Variants in ABI3BP observed in about 807,000 individuals in gnomAD.
The protein encoded by ABI3BP is ABI family member 3 binding protein.
ABI3BP carries 216 observed loss-of-function variants against 268.6 expected under a neutral mutation model. The observed-to-expected ratio is 0.80, with a 90% CI of 0.72 to 0.90. The LOEUF (loss-of-function observed/expected upper bound fraction) is 0.90, where lower values mean the gene tolerates loss of function less well. ABI3BP is among the 40% of genes least tolerant of loss of function. The pLI, the probability that ABI3BP is intolerant of heterozygous loss-of-function variation, is 0.00. For synonymous variants in ABI3BP, 730 were observed against 730.0 expected, an observed-to-expected ratio of 1.00 and a Z score of 0.00; for missense variants, 2,090 against 2,182.4, an observed-to-expected ratio of 0.96 and a Z score of 0.84.
rs1042394952 is a variant in ABI3BP at position 100,853,037 on chromosome 3, G to T, written c.1286-1097C>A. Among the ~76,000 whole-genome samples, 4 of 152,126 alleles carry T rather than the reference G, an allele frequency of 2.6e-5. 1 individual carries two copies. The South Asian group carries it at 8.3e-4, about 32-fold the overall frequency. ...GCTCACAGGAAGACGTAGTCATTGG[G>T]GTTACTTGTAATTCAATGACAGTTT... On this transcript the variant is annotated intron_variant, in intron 14 of 67. Coordinates refer to ENST00000471714, the MANE Select transcript of ABI3BP (RefSeq NM_001375547.2).
chr3:100,826,162 A>G (rs934333369), intron 34 of ABI3BP, among the ~76,000 whole-genome samples: 1 of 152,238 alleles, frequency 6.6e-6, no homozygotes. Context: ...AGGAAAGGCC[A>G]TGTGAGGATA....
intron 62 of ABI3BP, among the ~76,000 whole-genome samples, chr3:100,769,235 G>A (rs904791812): frequency 3.3e-5 from 5 of 152,122 alleles, no homozygotes; most frequent in African/African-American, 1.2e-4. Context: ...GGTTAAATAC[G>A]AACTTAATTC....
chr3:100,827,252 A>G (rs950925722), intron 34 of ABI3BP, among the ~76,000 whole-genome samples: 17 of 152,188 alleles, frequency 1.1e-4, no homozygotes, highest in Non-Finnish European at 2.2e-4. Context: ...CACACTGCGA[A>G]GTAAAACATG....
chr3:100,764,045 C>T (rs2096128654), intron 63 of ABI3BP, among the ~76,000 whole-genome samples: 2 of 152,284 alleles, frequency 1.3e-5, no homozygotes, highest in East Asian at 3.9e-4. Context: ...TGCCTCCCAT[C>T]CACTTACCGT....
At chr3:100,957,037 T>C (rs774029936) in intron 1 of ABI3BP, among the ~76,000 whole-genome samples, 8 of 152,200 alleles carry the variant, frequency 5.3e-5, no homozygotes, top group Non-Finnish European at 1.2e-4. Flanking sequence ...AGAGAAATGA[T>C]TAAAATCTGA....
At chr3:100,879,180 A>C (rs1340465011) in intron 6 of ABI3BP, among the ~76,000 whole-genome samples, 1 of 151,768 alleles carries the variant, frequency 6.6e-6, no homozygotes, top group Non-Finnish European at 1.5e-5. Context: ...CTTGCCCCTC[A>C]CCCCCTGGTA....
At chr3:100,879,945 T>A (rs753623952) in intron 6 of ABI3BP, among the ~76,000 whole-genome samples, 5 of 152,184 alleles carry the variant, frequency 3.3e-5, no homozygotes, top group African/African-American at 7.2e-5. Flanking sequence ...CTCTCCTATG[T>A]CTTATCAAAT....
intron 59 of ABI3BP, among the ~76,000 whole-genome samples, chr3:100,776,788 T>C (rs781053613): frequency 2.6e-5 from 4 of 152,280 alleles, no homozygotes; most frequent in Admixed American, 6.5e-5. Context: ...GGGTGGGCTG[T>C]ACCAAAGCTA....
At chr3:100,985,215 T>C (rs2153973206) in intron 1 of ABI3BP, among the ~76,000 whole-genome samples, 1 of 145,358 alleles carries the variant, frequency 6.9e-6, no homozygotes, top group East Asian at 2.1e-4. Flanking sequence ...AGTGCTGCGA[T>C]CTCAGCTCAC....
chr3:100,947,161 G>GA (rs1242350606), intron 1 of ABI3BP, among the ~76,000 whole-genome samples: 2 of 151,940 alleles, frequency 1.3e-5, no homozygotes, highest in Non-Finnish European at 2.9e-5. Flanking sequence ...TTGAAATTTT[G>GA]AACTATGCAC....
intron 1 of ABI3BP, among the ~76,000 whole-genome samples, chr3:100,991,894 C>T (rs2092992378): frequency 6.6e-6 from 1 of 152,024 alleles, no homozygotes; most frequent in Non-Finnish European, 1.5e-5. Context: ...AACAAAGTTG[C>T]ACCTATATCA....
At chr3:100,899,526 G>A (rs919503730) in intron 3 of ABI3BP, among the ~76,000 whole-genome samples, 6 of 152,190 alleles carry the variant, frequency 3.9e-5, no homozygotes, top group Admixed American at 3.9e-4. Flanking sequence ...AAGCACAGTT[G>A]TTCTGATGGT....
At position 100,752,862 on chromosome 3, in the gene ABI3BP, A is replaced by G; in HGVS notation, c.5047T>C (p.Trp1683Arg). The change falls in exon 66 of 68, where the codon TGG (tryptophan) becomes CGG (arginine). Residue 1683 changes from tryptophan to arginine, a missense_variant. Trp to Arg is a moderately radical substitution (Grantham distance 101). Transcript: ENST00000471714. ...TGCACTCCTACAAATTTTTTATACC[A>G]TGTCCTTTTGACATATTGTTTGCCC... ...CKGKQYVKRTWYKKFVGVQLC... is the reference protein window; with the variant it reads ...CKGKQYVKRTRYKKFVGVQLC... The G allele has an allele frequency of 6.2e-7, 1 of 1,613,520 alleles. No homozygotes were observed. The highest frequency in any genetic ancestry group is 8.5e-7 in the Non-Finnish European group (1 of 1,179,708).
intron 20 of ABI3BP, among the ~76,000 whole-genome samples, chr3:100,842,595 CTT>C (rs2098719494): frequency 6.6e-6 from 1 of 152,046 alleles, no homozygotes; most frequent in South Asian, 2.1e-4. Flanking sequence ...ACATATGAAA[CTT>C]AACCCATTTG....
chr3:100,899,354 A>C (rs2049124139), intron 3 of ABI3BP, among the ~76,000 whole-genome samples: 1 of 152,244 alleles, frequency 6.6e-6, no homozygotes, highest in Admixed American at 6.5e-5. Context: ...ACAAGAAAAT[A>C]AACCTTATTA....
At chr3:100,751,987 TC>T (rs1012298865) in intron 66 of ABI3BP, among the ~76,000 whole-genome samples, 1 of 152,220 alleles carries the variant, frequency 6.6e-6, no homozygotes, top group African/African-American at 2.4e-5. Flanking sequence ...TGCCTGCCCC[TC>T]CACTTACTAA....
chr3:100,937,729 A>G (rs760806777), intron 1 of ABI3BP, among the ~76,000 whole-genome samples: 10 of 152,076 alleles, frequency 6.6e-5, no homozygotes, highest in Non-Finnish European at 1.5e-4. Flanking sequence ...TGCTCTAAGA[A>G]CGGACAATGC....
chr3:100,965,009 T>G (rs2080743611), intron 1 of ABI3BP, among the ~76,000 whole-genome samples: 1 of 151,410 alleles, frequency 6.6e-6, no homozygotes, highest in Admixed American at 6.6e-5. Context: ...TTTGTATTAA[T>G]AAGGAAACCC....
intron 2 of ABI3BP, among the ~76,000 whole-genome samples, chr3:100,913,228 T>A (rs997907199): frequency 6.6e-6 from 1 of 152,066 alleles, no homozygotes; most frequent in Admixed American, 6.5e-5. Flanking sequence ...AGCAATGGGG[T>A]ATAAAATGAT....
Sources: gnomAD v4.1 joint callset for allele counts (sites outside exome capture counted in the v4.1 genomes callset) on GRCh38, gnomAD v4.1.1 for gene constraint, MANE v1.5 for transcripts, NCBI Gene and HGNC (gene_info 2026-07-23, HGNC 2026-07-21) for gene names.